Variants in ADD1 observed in about 807,000 individuals in gnomAD.
ADD1 encodes alpha-adducin.
In ADD1, 24 loss-of-function variants were observed where a neutral mutation model predicts 80.5. The observed-to-expected ratio is 0.30, with a 90% CI of 0.22 to 0.42. The LOEUF (loss-of-function observed/expected upper bound fraction) is 0.42, where lower values mean the gene tolerates loss of function less well. ADD1 is among the 10% of genes least tolerant of loss of function. The pLI is 1.00. For missense variants in ADD1, 948 were observed against 1,019.0 expected, an observed-to-expected ratio of 0.93 and a Z score of 0.95; for synonymous variants, 373 against 393.8, an observed-to-expected ratio of 0.95 and a Z score of 0.63.
At chr4:2,920,849 T>C (rs945950251) in intron 14 of ADD1, among the ~76,000 whole-genome samples, 1 of 152,210 alleles carries the variant, frequency 6.6e-6, no homozygotes, top group Non-Finnish European at 1.5e-5. Flanking sequence ...AAGGTTAATA[T>C]TGCTATGTGT....
chr4:2,929,999 C>T lies in ADD1; in HGVS notation c.*1476C>T, dbSNP rs888170178. 26 of 152,698 alleles carry T rather than the reference C, an allele frequency of 1.7e-4. No homozygotes were observed. The highest frequency in any genetic ancestry group is 6.0e-4 in the African/African-American group (25 of 41,586). The allele number at this position is 152,698 out of a possible 1,614,324, so 9.5% of individuals were successfully genotyped here. ...ATATATGGACACCGACTTGGGAGGA[C>T]AGGTCCTGAATGTCCTTTCTCCAGT... On this transcript the variant is annotated 3_prime_UTR_variant, in exon 16 of 16. Transcript: ENST00000683351.
Position 2,926,958 on chromosome 4 carries a change from G to T in ADD1, c.2047+846G>T, listed in dbSNP as rs1167894177. ...CAGCCTTTGAGGGTCTCTTTGGATTGCTTGGTGGGAGGGTTTTGCCACACT... is the reference window on the plus strand; with the variant it reads ...CAGCCTTTGAGGGTCTCTTTGGATTTCTTGGTGGGAGGGTTTTGCCACACT... On this transcript the variant is annotated intron_variant, in intron 15 of 15. Coordinates refer to ENST00000683351, the MANE Select transcript of ADD1 (RefSeq NM_001354761.2). This position sits in a 1 kb window ranked among gnomAD's most constrained non-coding sequence, Gnocchi z 5.0. Among the ~76,000 whole-genome samples the T allele has an allele frequency of 6.6e-6, 1 of 152,198 alleles. No individual in the cohort carries two copies. The highest frequency in any genetic ancestry group is 1.5e-5 in the Non-Finnish European group (1 of 68,038).
chr4:2,853,578 G>A (rs1727635833), intron 1 of ADD1: 1 of 151,638 alleles, frequency 6.6e-6, no homozygotes, highest in Non-Finnish European at 1.5e-5. Flanking sequence ...TAAATATATG[G>A]TTTGAAGAAA....
At chr4:2,884,361 G>T (rs192631058) in intron 3 of ADD1, among the ~76,000 whole-genome samples, 154 bp from the exon 4 acceptor site, 3 of 152,246 alleles carry the variant, frequency 2.0e-5, no homozygotes, top group Admixed American at 2.0e-4. Flanking sequence ...GGTAAGTCTC[G>T]CTTTGTTGCC....
chr4:2,864,282 G>A (rs889379519), intron 1 of ADD1, among the ~76,000 whole-genome samples: 5 of 152,142 alleles, frequency 3.3e-5, no homozygotes, highest in Non-Finnish European at 7.3e-5. Context: ...GCGTGGTGGC[G>A]TGTGCCCGTA....
chr4:2,894,157 C>G lies in ADD1; in HGVS notation c.591+64C>G, dbSNP rs1034233428. On this transcript the variant is annotated intron_variant, in intron 5 of 15. Coordinates refer to ENST00000683351, the MANE Select transcript of ADD1 (RefSeq NM_001354761.2). ...GTCATGTTAGGTCATTCAACATCTT[C>G]AGATCAGCTAAATATGTAAAACCCA... 8.5e-6 allele frequency: 11 copies of G among 1,294,912 alleles called. No homozygotes were observed. The African/African-American group carries it at 1.6e-4, about 19-fold the overall frequency. 80.2% of individuals were successfully genotyped at this position (1,294,912 alleles called of 1,614,324 possible).
At chr4:2,895,003 G>A (rs1157275690) in intron 6 of ADD1, among the ~76,000 whole-genome samples, 1 of 152,118 alleles carries the variant, frequency 6.6e-6, no homozygotes, top group Non-Finnish European at 1.5e-5. Flanking sequence ...GCTCATGCCT[G>A]TAATCACACT....
At position 2,876,062 on chromosome 4, in the gene ADD1, C is replaced by A; in HGVS notation, c.147C>A (p.Phe49Leu). Residue 49 changes from phenylalanine (F) to leucine (L), a missense_variant, in exon 2 of 16, where the codon TTC becomes TTA. Transcript: ENST00000683351. The part of the protein sequence containing the change: ...RNMAPDLRQD[F>L]NMMEQKKRVS... ...TGGCACCAGACCTTCGCCAGGACTT[C>A]AACATGATGGAGCAAAAGAAGAGGG... is the stretch of plus-strand genomic sequence containing the variant. The A allele has an allele frequency of 6.2e-7, 1 of 1,614,064 alleles. No individual in the cohort carries two copies. Among genetic ancestry groups the A allele is most frequent in the Non-Finnish European group, 8.5e-7 (1 of 1,179,982 alleles).
chr4:2,863,830 A>C (rs1448923110), intron 1 of ADD1, among the ~76,000 whole-genome samples: 5 of 152,150 alleles, frequency 3.3e-5, no homozygotes, highest in African/African-American at 1.2e-4. Context: ...CAGCCTCCCA[A>C]GTAGCTGTGA....
At chr4:2,871,642 C>T (rs750905133) in intron 1 of ADD1, among the ~76,000 whole-genome samples, 2 of 152,120 alleles carry the variant, frequency 1.3e-5, no homozygotes, top group Non-Finnish European at 2.9e-5. Context: ...AAATAGACAG[C>T]ACGGTGTGAT....
intron 14 of ADD1, among the ~76,000 whole-genome samples, chr4:2,921,686 T>C (rs1740071666): frequency 6.6e-6 from 1 of 152,214 alleles, no homozygotes; most frequent in South Asian, 2.1e-4. Flanking sequence ...TGGCCTGTCT[T>C]GCTAGGTTGG....
At chr4:2,923,883 C>T (rs530952277) in intron 14 of ADD1, among the ~76,000 whole-genome samples, 8 of 152,380 alleles carry the variant, frequency 5.3e-5, no homozygotes, top group South Asian at 4.1e-4. Flanking sequence ...TGGACAGAAG[C>T]GCACTGCCTT....
At chr4:2,886,465 G>T (rs1435157404) in intron 4 of ADD1, among the ~76,000 whole-genome samples, 1 of 152,150 alleles carries the variant, frequency 6.6e-6, no homozygotes, top group African/African-American at 2.4e-5. Flanking sequence ...TCATGCTCCT[G>T]TGTGCGGCAC....
intron 1 of ADD1, among the ~76,000 whole-genome samples, chr4:2,868,660 A>G (rs1729932645): frequency 1.3e-5 from 2 of 152,180 alleles, no homozygotes; most frequent in Non-Finnish European, 2.9e-5. Flanking sequence ...GGGCCCTTGT[A>G]CAAACATGAG....
At chr4:2,866,241 A>ACTGCACCCTTCGCCTTC (rs1311837610) in intron 1 of ADD1, among the ~76,000 whole-genome samples, 1 of 152,052 alleles carries the variant, frequency 6.6e-6, no homozygotes, top group Non-Finnish European at 1.5e-5. Flanking sequence ...ATCTCGGCTT[A>ACTGCACCCTTCGCCTTC]CTGCACCCTT....
chr4:2,893,626 GAAT>G (rs1447520766), intron 4 of ADD1, among the ~76,000 whole-genome samples: 2 of 151,318 alleles, frequency 1.3e-5, no homozygotes, highest in African/African-American at 4.9e-5. Flanking sequence ...AAAAAAAAAA[GAAT>G]AATGTAAGTT....
chr4:2,852,130 C>T (rs188051717), intron 1 of ADD1, among the ~76,000 whole-genome samples: 2 of 150,382 alleles, frequency 1.3e-5, no homozygotes, highest in East Asian at 3.9e-4. Context: ...GCCACAGCAC[C>T]CGGCCTCTTT....
chr4:2,916,857 A>G (rs1489672512), intron 14 of ADD1, among the ~76,000 whole-genome samples: 7 of 152,238 alleles, frequency 4.6e-5, no homozygotes. Context: ...CCTGCAAAGG[A>G]CATGAACTCA....
intron 1 of ADD1, among the ~76,000 whole-genome samples, chr4:2,872,601 A>G (rs949253317): frequency 6.6e-6 from 1 of 152,260 alleles, no homozygotes; most frequent in Non-Finnish European, 1.5e-5. Flanking sequence ...TCTGTCACCC[A>G]TGCTGGAGTG....
Sources: allele counts gnomAD v4.1 joint callset (sites outside exome capture counted in the v4.1 genomes callset), GRCh38; gene constraint gnomAD v4.1.1; non-coding constraint Gnocchi (gnomAD v3.1); transcripts MANE v1.5; gene names NCBI Gene and HGNC (gene_info 2026-07-23, HGNC 2026-07-21).